The following ROBO2 variants were observed in gnomAD, a reference collection of about 807,000 sequenced individuals.
The protein encoded by ROBO2 is roundabout guidance receptor 2.
Under a neutral mutation model 160.8 loss-of-function variants are expected in ROBO2, and 53 were observed. The observed-to-expected ratio is 0.33, with a 90% CI of 0.26 to 0.41. ROBO2 has a LOEUF of 0.41. ROBO2 is among the 10% of genes least tolerant of loss of function. ROBO2 has a pLI of 1.00. For synonymous variants in ROBO2, 664 were observed against 611.7 expected (o/e 1.09, Z -1.26); for missense variants, 1,577 against 1,722.4 (o/e 0.92, Z 1.49).
chr3:76,066,388 A>G (rs1348201148), intron 2 of ROBO2, among the ~76,000 whole-genome samples: 1 of 152,122 alleles, frequency 6.6e-6, no homozygotes. Context: ...ATTATTTGCT[A>G]ATTAATATTT....
intron 6 of ROBO2, 26 bp from the exon 8 acceptor site, chr3:77,546,312 A>T: frequency 6.2e-7 from 1 of 1,611,928 alleles, no homozygotes; most frequent in Non-Finnish European, 8.5e-7. Flanking sequence ...TGATATTTAC[A>T]CGCTTTCTTT....
intron 2 of ROBO2, among the ~76,000 whole-genome samples, chr3:77,300,013 CTCTT>C (rs2062510272): frequency 1.3e-5 from 2 of 152,066 alleles, no homozygotes; most frequent in African/African-American, 2.4e-5. Context: ...AAATACCTCA[CTCTT>C]TCTCCCAAAA....
intron 2 of ROBO2, among the ~76,000 whole-genome samples, chr3:77,336,509 T>G (rs2066511168): frequency 6.6e-6 from 1 of 151,908 alleles, no homozygotes; most frequent in Non-Finnish European, 1.5e-5. Context: ...CTCCTCTTCC[T>G]CTTTCTTTTT....
chr3:77,126,457 A>G (rs1337106452), intron 2 of ROBO2, among the ~76,000 whole-genome samples: 4 of 152,196 alleles, frequency 2.6e-5, no homozygotes, highest in Non-Finnish European at 5.9e-5. Flanking sequence ...TAAAAAGATT[A>G]TCCCTTGTGG....
chr3:75,969,180 TATG>T (rs1399763325), intron 2 of ROBO2, among the ~76,000 whole-genome samples: 5 of 148,760 alleles, frequency 3.4e-5, no homozygotes, highest in African/African-American at 4.9e-5. Flanking sequence ...AAGATTATAA[TATG>T]ATATATAATA....
intron 2 of ROBO2, among the ~76,000 whole-genome samples, chr3:76,229,589 A>G (rs952080360): frequency 6.6e-5 from 10 of 152,156 alleles, no homozygotes; most frequent in African/African-American, 2.2e-4. Flanking sequence ...GGTTACCATG[A>G]TATGCATATA....
chr3:77,443,954 G>A (rs540250378), intron 2 of ROBO2, among the ~76,000 whole-genome samples: 344 of 152,164 alleles, frequency 2.3e-3, no homozygotes, highest in Admixed American at 3.9e-3. Flanking sequence ...AAAACAATCT[G>A]CATAAAGCAT....
rs374001018 is a variant in ROBO2 at position 77,533,835 on chromosome 3, A to G, written c.934+10933A>G. On this transcript the variant is annotated intron_variant, in intron 6 of 25. Coordinates refer to ENST00000461745, the Ensembl canonical transcript of ROBO2. ...TATAATCATGAAAGTATTTCCAGGA[A>G]GGGCAAGCCTGAGGTCATGGGGCCT... Among the ~76,000 whole-genome samples the G allele has an allele frequency of 2.7e-4, 41 of 152,132 alleles. 1 individual carries two copies. In the East Asian group the frequency reaches 7.6e-3, roughly 28 times the overall value.
At chr3:76,294,914 A>G (rs770153691) in intron 2 of ROBO2, among the ~76,000 whole-genome samples, 9 of 152,152 alleles carry the variant, frequency 5.9e-5, no homozygotes, top group Non-Finnish European at 1.3e-4. Flanking sequence ...CAAATGAGTG[A>G]TTGTGCCCTT....
At chr3:77,030,679 A>C (rs1369183663) in intron 2 of ROBO2, among the ~76,000 whole-genome samples, 20 of 152,156 alleles carry the variant, frequency 1.3e-4, no homozygotes, top group Admixed American at 1.3e-3. Flanking sequence ...GATATTCCCC[A>C]GCTTGTAGCA....
chr3:77,118,750 G>A (rs2074444790), intron 2 of ROBO2, among the ~76,000 whole-genome samples: 1 of 152,158 alleles, frequency 6.6e-6, no homozygotes, highest in Non-Finnish European at 1.5e-5. Flanking sequence ...ACAGGGATAT[G>A]TTTTAAGAAA....
chr3:76,208,876 CT>C (rs1022945215), intron 2 of ROBO2, among the ~76,000 whole-genome samples: 5 of 152,122 alleles, frequency 3.3e-5, no homozygotes, highest in Non-Finnish European at 7.4e-5. Context: ...TAAAATCCCC[CT>C]ATAATGACAA....
intron 19 of ROBO2, among the ~76,000 whole-genome samples, chr3:77,597,050 C>A (rs906091286): frequency 6.6e-6 from 1 of 151,914 alleles, no homozygotes; most frequent in Admixed American, 6.6e-5. Context: ...AACTCAGAGA[C>A]TATTTTGTTA....
At chr3:77,185,261 A>G (rs2081178425) in intron 2 of ROBO2, among the ~76,000 whole-genome samples, 1 of 152,022 alleles carries the variant, frequency 6.6e-6, no homozygotes, top group South Asian at 2.1e-4. Context: ...AGATATAGAT[A>G]AAGTGGAGAA....
chr3:76,999,236 C>T lies in ROBO2; in HGVS notation c.110-98778C>T, dbSNP rs1273781639. On this transcript the variant is annotated intron_variant, in intron 2 of 26. Transcript: ENST00000487694. ...TAGATTGTGGAATGAACTCTTGTTT[C>T]TTTACTCAGACTCAGGATTAGTACT... Among the ~76,000 whole-genome samples, 16 of 151,878 alleles carry T rather than the reference C, an allele frequency of 1.1e-4. 1 individual carries two copies. The South Asian group carries it at 3.3e-3, about 32-fold the overall frequency.
intron 2 of ROBO2, among the ~76,000 whole-genome samples, chr3:76,780,207 G>GTTT: frequency 6.8e-6 from 1 of 146,160 alleles, no homozygotes; most frequent in East Asian, 2.0e-4. Flanking sequence ...TTGTTTGTTT[G>GTTT]TTTTTTTTTT....
intron 5 of ROBO2, among the ~76,000 whole-genome samples, chr3:77,513,585 C>G (rs940926213): frequency 6.6e-6 from 1 of 151,784 alleles, no homozygotes; most frequent in Non-Finnish European, 1.5e-5. Context: ...AATATAAGAT[C>G]ACACACAAAC....
intron 2 of ROBO2, among the ~76,000 whole-genome samples, chr3:77,140,271 A>AG (rs918014089): frequency 1.2e-4 from 18 of 152,178 alleles, no homozygotes; most frequent in Non-Finnish European, 2.2e-4. Context: ...TAAAGCTGGG[A>AG]GGGGGGACAA....
chr3:77,160,059 T>G (rs939721207), intron 2 of ROBO2, among the ~76,000 whole-genome samples: 2 of 152,092 alleles, frequency 1.3e-5, no homozygotes, highest in African/African-American at 4.8e-5. Flanking sequence ...AATATATAGA[T>G]TCACCAGGCA....
Sources: gnomAD v4.1 joint callset for allele counts (sites outside exome capture counted in the v4.1 genomes callset) on GRCh38, gnomAD v4.1.1 for gene constraint, MANE v1.5 for transcripts, NCBI Gene and HGNC (gene_info 2026-07-23, HGNC 2026-07-21) for gene names.